The following ZNRF3 variants were observed in gnomAD, a reference collection of about 807,000 sequenced individuals.
The protein encoded by ZNRF3 is zinc and ring finger 3.
In ZNRF3, 23 loss-of-function variants were observed where a neutral mutation model predicts 72.5. That is an observed-to-expected ratio of 0.32 (90% confidence interval 0.23 to 0.45). ZNRF3 has a LOEUF of 0.45. ZNRF3 is among the 20% of genes least tolerant of loss of function. ZNRF3 has a pLI of 1.00. For synonymous variants in ZNRF3, 610 were observed against 545.3 expected, an observed-to-expected ratio of 1.12 and a Z score of -1.65; for missense variants, 1,169 against 1,272.1, an observed-to-expected ratio of 0.92 and a Z score of 1.23.
chr22:28,896,734 G>T (rs559727490), intron 1 of ZNRF3, among the ~76,000 whole-genome samples: 1 of 152,306 alleles, frequency 6.6e-6, no homozygotes, highest in African/African-American at 2.4e-5. Flanking sequence ...ACAGCTAATG[G>T]CATGTAAAGA....
intron 1 of ZNRF3, among the ~76,000 whole-genome samples, chr22:28,890,353 A>G (rs2033862035): frequency 6.6e-6 from 1 of 152,140 alleles, no homozygotes; most frequent in Admixed American, 6.5e-5. Context: ...ATAAAAAATT[A>G]GCCGGGCGTG....
intron 1 of ZNRF3, among the ~76,000 whole-genome samples, chr22:28,884,340 C>T (rs1164212197): frequency 1.3e-5 from 2 of 152,200 alleles, no homozygotes; most frequent in Non-Finnish European, 2.9e-5. Flanking sequence ...TGGGGCAGCC[C>T]CCTTGGCCGG....
chr22:29,047,007 C>G, intron 6 of ZNRF3, 124 bp downstream of exon 6: 2 of 955,794 alleles, frequency 2.1e-6, no homozygotes, highest in Non-Finnish European at 2.9e-6. Context: ...AGTCACTCTT[C>G]TGAAAATTCT....
chr22:28,974,720 A>G lies in ZNRF3; in HGVS notation c.301-12356A>G, dbSNP rs62236875. 3.4e-3 allele frequency among the ~76,000 whole-genome samples: 513 copies of G among 152,230 alleles called. 1 individual carries two copies. Among genetic ancestry groups the G allele is most frequent in the Middle Eastern group, 6.8e-3 (2 of 294 alleles). On this transcript the variant is annotated intron_variant, in intron 1 of 8. Coordinates refer to ENST00000544604, the MANE Select transcript of ZNRF3 (RefSeq NM_001206998.2). ...GCGCGCCATGGCCAGATCCTAGCTC[A>G]CTGCAGCCTCAACCTTCCAGGCTCA...
rs1569284145 is a variant in ZNRF3, at chr22:29,020,763, T to TGTGTGTG, written c.427-21732_427-21731insGTGTGTG. Among the ~76,000 whole-genome samples, 529 of 66,844 alleles carry TGTGTGTG rather than the reference T, an allele frequency of 7.9e-3. 20 individuals carry two copies. Among genetic ancestry groups the TGTGTGTG allele is most frequent in the African/African-American group, 0.015 (438 of 29,262 alleles). The allele number at this position is 66,844 out of a possible 152,430, so 43.9% of individuals were successfully genotyped here. On this transcript the variant is annotated intron_variant, in intron 2 of 8. Coordinates refer to ENST00000544604, the MANE Select transcript of ZNRF3 (RefSeq NM_001206998.2). ...GATTTCATTGAGAGGGGCTTTGTTT[T>TGTGTGTG]TGTGTGTGTGTGGGTGTGTGTGTGT...
At chr22:28,943,168 C>G (rs887654334) in intron 1 of ZNRF3, among the ~76,000 whole-genome samples, 2 of 152,172 alleles carry the variant, frequency 1.3e-5, no homozygotes, top group African/African-American at 4.8e-5. Context: ...ATGTTTTTCT[C>G]TCTGTCCCTC....
intron 1 of ZNRF3, among the ~76,000 whole-genome samples, chr22:28,906,537 T>C (rs2034211446): frequency 6.6e-6 from 1 of 152,332 alleles, no homozygotes; most frequent in Admixed American, 6.5e-5. Flanking sequence ...CTTCTTCATC[T>C]ATAACATGGG....
chr22:28,951,311 G>A (rs1281335031), intron 1 of ZNRF3, among the ~76,000 whole-genome samples: 2 of 152,098 alleles, frequency 1.3e-5, no homozygotes, highest in African/African-American at 4.8e-5. Context: ...CTTTACGGAG[G>A]TAATCAAGTT....
chr22:28,995,104 A>G (rs2036024991), intron 2 of ZNRF3, among the ~76,000 whole-genome samples: 1 of 152,232 alleles, frequency 6.6e-6, no homozygotes, highest in South Asian at 2.1e-4. Flanking sequence ...TCCTCTCTTC[A>G]TGACAAAGTG....
Position 29,023,150 on chromosome 22 carries a change from T to G in ZNRF3, c.427-19345T>G, listed in dbSNP as rs140937251. 1.0e-3 allele frequency among the ~76,000 whole-genome samples: 154 copies of G among 152,358 alleles called. 1 individual carries two copies. Among genetic ancestry groups the G allele is most frequent in the African/African-American group, 3.5e-3 (147 of 41,594 alleles). ...CACAAAATGTCTATGTGTTTACTAATAGATCCTGATTAAAGTTATTATTGA... is the reference window on the plus strand; with the variant it reads ...CACAAAATGTCTATGTGTTTACTAAGAGATCCTGATTAAAGTTATTATTGA... On this transcript the variant is annotated intron_variant, in intron 2 of 8. Coordinates refer to ENST00000544604, the MANE Select transcript of ZNRF3 (RefSeq NM_001206998.2).
intron 1 of ZNRF3, among the ~76,000 whole-genome samples, chr22:28,903,872 G>T (rs1369855125): frequency 6.6e-6 from 1 of 152,170 alleles, no homozygotes; most frequent in African/African-American, 2.4e-5. Context: ...AAACTGTTGG[G>T]TGACTTCCCA....
chr22:28,908,179 G>A (rs1033971286), intron 1 of ZNRF3, among the ~76,000 whole-genome samples: 1 of 152,236 alleles, frequency 6.6e-6, no homozygotes, highest in Non-Finnish European at 1.5e-5. Context: ...TGGTTTGGAA[G>A]AAAGCAAAAT....
At chr22:28,959,767 T>G (rs1450967894) in intron 1 of ZNRF3, among the ~76,000 whole-genome samples, 1 of 152,204 alleles carries the variant, frequency 6.6e-6, no homozygotes, top group Non-Finnish European at 1.5e-5. Flanking sequence ...ACCTTCACAG[T>G]GGGCTTAGTG....
intron 6 of ZNRF3, among the ~76,000 whole-genome samples, chr22:29,047,721 A>G (rs727892): frequency 0.46 from 69,746 of 152,064 alleles, 16,298 homozygotes; most frequent in Non-Finnish European, 0.49. Flanking sequence ...ATATTACTGT[A>G]CTAGACAGGT....
intron 2 of ZNRF3, among the ~76,000 whole-genome samples, chr22:29,032,041 G>A (rs139371325): frequency 6.6e-6 from 1 of 152,240 alleles, no homozygotes; most frequent in Non-Finnish European, 1.5e-5. Context: ...AGGCGCCAGA[G>A]CTTCGCACCA....
At chr22:28,959,315 C>T (rs557238542) in intron 1 of ZNRF3, among the ~76,000 whole-genome samples, 29 of 152,282 alleles carry the variant, frequency 1.9e-4, no homozygotes, top group African/African-American at 6.5e-4. Context: ...TTAGCTGCTG[C>T]GCCTCCTCTC....
In ZNRF3 at chr22:28,947,873, T is replaced by C. The variant is rs139672581; in HGVS notation, c.301-39203T>C. On this transcript the variant is annotated intron_variant, in intron 1 of 8. Transcript: ENST00000544604. ...AATAACTTTTTTTTTTGAGATGGAG[T>C]ATTGCTCTGTCACCAGGTTGGAGTG... 2.4e-4 allele frequency among the ~76,000 whole-genome samples: 36 copies of C among 151,984 alleles called. No homozygotes were observed. In the East Asian group the frequency reaches 6.8e-3, roughly 29 times the overall value.
intron 1 of ZNRF3, among the ~76,000 whole-genome samples, chr22:28,982,543 G>C (rs1601627187): frequency 6.6e-6 from 1 of 150,678 alleles, no homozygotes; most frequent in East Asian, 1.9e-4. Context: ...TCTCATCTGG[G>C]TGACAGAACA....
rs1416097321 is a variant in ZNRF3 at position 29,055,269 on chromosome 22, T to C, written c.*1647T>C. On this transcript the variant is annotated 3_prime_UTR_variant, in exon 9 of 9. Coordinates refer to ENST00000544604, the MANE Select transcript of ZNRF3 (RefSeq NM_001206998.2). Reference sequence around the variant, plus strand: ...ACTCTTCTGGTCACTTGTATTTATTTATTCATTCATTCATCAGATATTTGT... The same window carrying C: ...ACTCTTCTGGTCACTTGTATTTATTCATTCATTCATTCATCAGATATTTGT... The C allele has an allele frequency of 6.6e-6, 1 of 152,252 alleles. No homozygotes were observed. Among genetic ancestry groups the C allele is most frequent in the Admixed American group, 6.5e-5 (1 of 15,284 alleles). 9.4% of individuals were successfully genotyped at this position (152,252 alleles called of 1,614,324 possible).
Sources: allele counts gnomAD v4.1 joint callset (sites outside exome capture counted in the v4.1 genomes callset), GRCh38; gene constraint gnomAD v4.1.1; transcripts MANE v1.5; gene names NCBI Gene and HGNC (gene_info 2026-07-23, HGNC 2026-07-21).